The following AP3D1 variants were observed in gnomAD, a reference collection of about 807,000 sequenced individuals.
AP3D1 encodes the protein AP-3 complex subunit delta-1.
AP3D1 carries 51 observed loss-of-function variants against 147.6 expected under a neutral mutation model. The ratio of observed to expected loss-of-function variants is 0.35; its 90% CI spans 0.28 to 0.44. The LOEUF (loss-of-function observed/expected upper bound fraction) is 0.44. AP3D1 is among the 20% of genes least tolerant of loss of function. The pLI is 1.00. For missense variants in AP3D1, 1,421 were observed against 1,624.2 expected, an observed-to-expected ratio of 0.87 and a Z score of 2.15; for synonymous variants, 760 against 663.0, an observed-to-expected ratio of 1.15 and a Z score of -2.25.
intron 1 of AP3D1, among the ~76,000 whole-genome samples, chr19:2,148,785 C>T (rs536556462): frequency 6.6e-6 from 1 of 152,358 alleles, no homozygotes; most frequent in Non-Finnish European, 1.5e-5. Flanking sequence ...TTCCACGTGG[C>T]TTTCAAAGTC....
rs142623849 is a variant in AP3D1, at chr19:2,138,974, C to T, written c.97-260G>A. ...ACTCAGGAGGCTAAGGCAGGAGAATCGTTTAAACCTGGGAGGCAGAGGTTG... is the reference window on the plus strand; with the variant it reads ...ACTCAGGAGGCTAAGGCAGGAGAATTGTTTAAACCTGGGAGGCAGAGGTTG... On this transcript the variant is annotated intron_variant, in intron 1 of 31. Coordinates refer to ENST00000643116, the MANE Select transcript of AP3D1 (RefSeq NM_001261826.3). Among the ~76,000 whole-genome samples, 245 of 139,524 alleles carry T rather than the reference C, an allele frequency of 1.8e-3. 1 individual carries two copies. Among genetic ancestry groups the T allele is most frequent in the African/African-American group, 6.3e-3 (239 of 37,838 alleles). The allele number at this position is 139,524 out of a possible 152,430, so 91.5% of individuals were successfully genotyped here. A position where few individuals can be genotyped will look rare whatever the true frequency, so the allele number is the denominator to read the frequency against.
At chr19:2,158,667 G>A (rs1329204218) in intron 1 of AP3D1, among the ~76,000 whole-genome samples, 2 of 150,928 alleles carry the variant, frequency 1.3e-5, no homozygotes, top group African/African-American at 2.4e-5. Flanking sequence ...GTGCAACGGC[G>A]CAATCCGCTT....
chr19:2,138,914 G>A (rs1235047542), intron 1 of AP3D1, among the ~76,000 whole-genome samples, 200 bp from the exon 2 acceptor site: 1 of 151,940 alleles, frequency 6.6e-6, no homozygotes, highest in Non-Finnish European at 1.5e-5. Flanking sequence ...ACAAAAATTA[G>A]CTGGGCGTGG....
At chr19:2,134,030 C>T (rs1269568427) in intron 4 of AP3D1, among the ~76,000 whole-genome samples, 7 of 151,994 alleles carry the variant, frequency 4.6e-5, no homozygotes, top group East Asian at 2.0e-4. Context: ...ATTGCTTGAA[C>T]CCAGGAGGCA....
chr19:2,102,049 CAT>C lies in AP3D1; in HGVS notation c.*122_*123del. ...CCTCGGATGTCTACACGGCGGACAA[CAT>C]AGAGTTAAATTAACACTCAGGCTTG... On this transcript the variant is annotated 3_prime_UTR_variant, in exon 32 of 32. Coordinates refer to ENST00000643116, the MANE Select transcript of AP3D1 (RefSeq NM_001261826.3). The C allele has an allele frequency of 2.8e-6, 2 of 722,588 alleles. No individual in the cohort carries two copies. The highest frequency in any genetic ancestry group is 5.3e-5 in the East Asian group (2 of 37,716). 44.8% of individuals were successfully genotyped at this position (722,588 alleles called of 1,614,324 possible).
At chr19:2,145,731 C>A (rs536918384) in intron 1 of AP3D1, among the ~76,000 whole-genome samples, 31 of 152,226 alleles carry the variant, frequency 2.0e-4, no homozygotes, top group Admixed American at 3.3e-4. Context: ...CCCTCCAGGA[C>A]CCACATGCCT....
In AP3D1 at chr19:2,151,517, T is replaced by C. The variant is rs1488280272; in HGVS notation, c.-183A>G. The C allele has an allele frequency of 5.7e-6, 1 of 174,048 alleles. No homozygotes were observed. The highest frequency in any genetic ancestry group is 1.2e-5 in the Non-Finnish European group (1 of 86,708). The allele number at this position is 174,048 out of a possible 1,614,324, so 10.8% of individuals were successfully genotyped here. A position where few individuals can be genotyped will look rare whatever the true frequency, so the allele number is the denominator to read the frequency against. ...CAGAGGCGGCGACCCGCTCGGCAGG[T>C]GCCGCGATCCCGCTCCGGGCCCCTT... On this transcript the variant is annotated 5_prime_UTR_variant, in exon 1 of 32. Transcript: ENST00000643116.
At chr19:2,121,694 C>G in intron 12 of AP3D1, 40 bp downstream of exon 12, 1 of 1,539,764 alleles carries the variant, frequency 6.5e-7, no homozygotes, top group Non-Finnish European at 8.7e-7. Flanking sequence ...CCTTAGAGAA[C>G]TAAGGCCAGG....
chr19:2,153,605 G>T (rs1368513159), upstream of AP3D1, among the ~76,000 whole-genome samples: 1 of 151,944 alleles, frequency 6.6e-6, no homozygotes, highest in Non-Finnish European at 1.5e-5. Context: ...CGCCCAGGGG[G>T]CGGAGGTTGC....
chr19:2,127,262 CCAGTGCCGG>C, intron 8 of AP3D1, 61 bp from the exon 9 acceptor site: 1 of 1,575,844 alleles, frequency 6.3e-7, no homozygotes, highest in Non-Finnish European at 8.7e-7. Context: ...ATGCAGTGAC[CCAGTGCCGG>C]CAGCTCAGCT....
chr19:2,148,690 C>T (rs1248437555), intron 1 of AP3D1, among the ~76,000 whole-genome samples: 1 of 152,178 alleles, frequency 6.6e-6, no homozygotes, highest in Non-Finnish European at 1.5e-5. Flanking sequence ...CTAGATGGGC[C>T]GCCCCATGAA....
In AP3D1 at chr19:2,147,360, A is replaced by AG. The variant is rs1051402784; in HGVS notation, c.96+3878_96+3879insC. 7.3e-5 allele frequency among the ~76,000 whole-genome samples: 11 copies of AG among 149,842 alleles called. No individual in the cohort carries two copies. In the South Asian group the frequency reaches 1.9e-3, roughly 26 times the overall value. On this transcript the variant is annotated intron_variant, in intron 1 of 31. Transcript: ENST00000643116. ...AACTCTGTCTCAAAAAAAAAAAAAA[A>AG]AAAAGAAAAGAAAACACACTCAGTT... is the stretch of plus-strand genomic sequence containing the variant.
At chr19:2,139,441 T>C (rs2019163358) in intron 1 of AP3D1, among the ~76,000 whole-genome samples, 1 of 152,164 alleles carries the variant, frequency 6.6e-6, no homozygotes, top group African/African-American at 2.4e-5. Flanking sequence ...TAACTGCGCG[T>C]GTCTCCAGAA....
upstream of AP3D1, among the ~76,000 whole-genome samples, chr19:2,155,416 C>T (rs1241770237): frequency 6.6e-6 from 1 of 150,382 alleles, no homozygotes; most frequent in East Asian, 1.9e-4. Context: ...CACCTGTAAT[C>T]CCAGCTACTC....
At position 2,121,730 on chromosome 19, in the gene AP3D1, G is replaced by C; in HGVS notation, c.1101+4C>G. 1 of 1,589,656 alleles carries C rather than the reference G, an allele frequency of 6.3e-7. No individual in the cohort carries two copies. Among genetic ancestry groups the C allele is most frequent in the Non-Finnish European group, 8.5e-7 (1 of 1,169,722 alleles). ...CGGGCGGGCGGCGGACAGAGGGCACGCACCATCCCATAGAGCAGGTCCAGG... is the reference window on the plus strand; with the variant it reads ...CGGGCGGGCGGCGGACAGAGGGCACCCACCATCCCATAGAGCAGGTCCAGG... On this transcript the variant is annotated splice_donor_region_variant and intron_variant, in intron 12 of 31. Transcript: ENST00000643116.
chr19:2,112,883 C>A lies in AP3D1; in HGVS notation c.2764G>T (p.Ala922Ser). ...ACCTTGTCCTGGTCTTGCCCCTCGG[C>A]ATCGTCCTCCTCGCCCTGCGCCTCC... Reference protein sequence around the residue: ...KTEAQGEEDDAEGQDQDKKSP... With the variant: ...KTEAQGEEDDSEGQDQDKKSP... Residue 922 changes from alanine to serine, a missense_variant, in exon 24 of 32, where the codon GCC becomes TCC. Ala to Ser is a moderately conservative substitution (Grantham distance 99, BLOSUM62 1). Transcript: ENST00000643116. The A allele has an allele frequency of 6.2e-7, 1 of 1,612,884 alleles. No individual in the cohort carries two copies. Among genetic ancestry groups the A allele is most frequent in the Non-Finnish European group, 8.5e-7 (1 of 1,179,474 alleles).
At position 2,110,138 on chromosome 19, in the gene AP3D1, T is replaced by C; in HGVS notation, c.3262A>G (p.Lys1088Glu). The change falls in exon 28 of 32, where the codon AAG becomes GAG. Residue 1088 changes from lysine to glutamate, a missense_variant and splice_region_variant. This residue lies in a region of AP3D1 where 791 missense variants were observed against 761.4 expected (regional missense o/e 1.04). Coordinates refer to ENST00000643116, the MANE Select transcript of AP3D1 (RefSeq NM_001261826.3). The stretch of plus-strand genomic sequence containing the variant: ...ACGCCAAGTGGAGCCCTGCATACCT[T>C]GGCAATGAAGGACAGGGTCCCCTTG... ...KLKGTLSFIA[K>E]NDEGATHEKL... is the part of the protein sequence containing the mutation. 1 of 1,612,822 alleles carries C rather than the reference T, an allele frequency of 6.2e-7. No individual in the cohort carries two copies. The highest frequency in any genetic ancestry group is 8.5e-7 in the Non-Finnish European group (1 of 1,179,750).
intron 15 of AP3D1, 131 bp from the exon 16 acceptor site, chr19:2,117,498 G>A: frequency 3.0e-6 from 3 of 1,007,962 alleles, no homozygotes; most frequent in Admixed American, 3.2e-5. Context: ...TAGCCACAGA[G>A]AGCCCAGCCT....
chr19:2,121,222 G>A lies in AP3D1; in HGVS notation c.1191C>T (p.Leu397=). 6.2e-7 allele frequency: 1 copy of A among 1,614,212 alleles called. No homozygotes were observed. The highest frequency in any genetic ancestry group is 8.5e-7 in the Non-Finnish European group (1 of 1,180,012). ...AEGTTYRDEL[L]TKIIDICSQS... ...GGCTGCAGATGTCAATGATCTTGGTGAGCAGCTCGTCACGGTAGGTGGTAC... is the reference window on the plus strand; with the variant it reads ...GGCTGCAGATGTCAATGATCTTGGTAAGCAGCTCGTCACGGTAGGTGGTAC... Residue 397 remains leucine, a synonymous_variant, in exon 13 of 32, where the codon CTC becomes CTT. Coordinates refer to ENST00000643116, the MANE Select transcript of AP3D1 (RefSeq NM_001261826.3).
Sources: allele counts gnomAD v4.1 joint callset (sites outside exome capture counted in the v4.1 genomes callset), GRCh38; gene constraint gnomAD v4.1.1; regional missense constraint gnomAD v4.1.1; transcripts MANE v1.5; gene names NCBI Gene and HGNC (gene_info 2026-07-23, HGNC 2026-07-21).